Variants in SYT1 observed in about 807,000 individuals in gnomAD.
The protein encoded by SYT1 is synaptotagmin 1.
SYT1 carries 8 observed loss-of-function variants against 44.8 expected under a neutral mutation model. The observed-to-expected ratio is 0.18, with a 90% CI of 0.10 to 0.32. The LOEUF (loss-of-function observed/expected upper bound fraction) is 0.32, where lower values mean the gene tolerates loss of function less well. SYT1 is among the 10% of genes least tolerant of loss of function. The pLI is 1.00. For missense variants in SYT1, 286 were observed against 509.3 expected (o/e 0.56, Z 4.22); for synonymous variants, 154 against 188.8 (o/e 0.82, Z 1.51).
chr12:78,870,767 C>T lies in SYT1; in HGVS notation c.-217+5658C>T, dbSNP rs374036716. On this transcript the variant is annotated intron_variant, in intron 1 of 10. Coordinates refer to ENST00000261205, the MANE Select transcript of SYT1 (RefSeq NM_005639.3). ...AGGCTCATTTCCGCTGGGCCATCCT[C>T]CTTGCATGTCACTCCATGCCTACTG... Among the ~76,000 whole-genome samples the T allele has an allele frequency of 1.4e-4, 21 of 152,092 alleles. No individual in the cohort carries two copies. The East Asian group carries it at 3.9e-3, about 28-fold the overall frequency.
At chr12:78,959,264 G>A (rs1879379185) in intron 1 of SYT1, among the ~76,000 whole-genome samples, 1 of 152,130 alleles carries the variant, frequency 6.6e-6, no homozygotes, top group Admixed American at 6.6e-5. Context: ...GGGAAACTCG[G>A]GAGATGTTCC....
chr12:79,053,752 A>C (rs146616066), intron 3 of SYT1, among the ~76,000 whole-genome samples: 2 of 151,690 alleles, frequency 1.3e-5, no homozygotes, highest in Non-Finnish European at 2.9e-5. Flanking sequence ...TGTAAAAATA[A>C]GTTGTTTTTG....
intron 8 of SYT1, among the ~76,000 whole-genome samples, chr12:79,313,495 G>T (rs1219818223): frequency 6.6e-6 from 1 of 150,538 alleles, no homozygotes; most frequent in Non-Finnish European, 1.5e-5. Flanking sequence ...CATGTACCAA[G>T]TTTTTGGTCC....
At chr12:79,110,496 T>C (rs1332945841) in intron 3 of SYT1, among the ~76,000 whole-genome samples, 1 of 152,100 alleles carries the variant, frequency 6.6e-6, no homozygotes, top group African/African-American at 2.4e-5. Context: ...CACACGAAAA[T>C]CTAGAAAACA....
chr12:79,442,221 G>C (rs1170875494), intron 9 of SYT1, among the ~76,000 whole-genome samples: 1 of 152,164 alleles, frequency 6.6e-6, no homozygotes, highest in Non-Finnish European at 1.5e-5. Context: ...GACATGACTA[G>C]CTTTATAAAA....
chr12:79,116,125 A>G (rs1188864580), intron 3 of SYT1, among the ~76,000 whole-genome samples: 1 of 152,196 alleles, frequency 6.6e-6, no homozygotes, highest in Non-Finnish European at 1.5e-5. Context: ...GGGAATCATG[A>G]TGGTTGCCTC....
chr12:78,918,135 G>A (rs778955863), intron 1 of SYT1, among the ~76,000 whole-genome samples: 2 of 151,976 alleles, frequency 1.3e-5, no homozygotes, highest in African/African-American at 2.4e-5. Flanking sequence ...TTTTTCAGAC[G>A]CTATGCTTTA....
At position 79,052,972 on chromosome 12, in the gene SYT1, A is replaced by G. The variant is rs554503117; in HGVS notation, c.-18+5610A>G. 2.7e-4 allele frequency among the ~76,000 whole-genome samples: 41 copies of G among 152,306 alleles called. No homozygotes were observed. In the East Asian group the frequency reaches 6.2e-3, roughly 23 times the overall value. On this transcript the variant is annotated intron_variant, in intron 3 of 10. Transcript: ENST00000261205. ...GGTGATTCCTCAGGGATCTAGAACT[A>G]GAAATACCATTTGACCCAGCAACAC...
At chr12:79,153,642 A>AT (rs1177338022) in intron 3 of SYT1, among the ~76,000 whole-genome samples, 4 of 152,276 alleles carry the variant, frequency 2.6e-5, no homozygotes, top group Admixed American at 1.3e-4. Flanking sequence ...TATAATGGTT[A>AT]TTTTCAAATG....
chr12:78,918,220 A>G (rs11111884), intron 1 of SYT1, among the ~76,000 whole-genome samples: 62,319 of 151,966 alleles, frequency 0.41, 15,082 homozygotes, highest in Non-Finnish European at 0.54. Context: ...GAGCAAGGCT[A>G]TGCACCATAC....
At chr12:79,361,222 G>A (rs913364784) in intron 9 of SYT1, among the ~76,000 whole-genome samples, 3 of 152,160 alleles carry the variant, frequency 2.0e-5, no homozygotes, top group African/African-American at 7.2e-5. Flanking sequence ...ATGGCTAACT[G>A]ATTTAATCCC....
chr12:79,276,535 G>T (rs1264755936), intron 4 of SYT1, among the ~76,000 whole-genome samples: 1 of 151,776 alleles, frequency 6.6e-6, no homozygotes, highest in Non-Finnish European at 1.5e-5. Context: ...AATTAGCTGG[G>T]CATGGTGGCA....
At chr12:79,272,003 G>A (rs1039631946) in intron 4 of SYT1, among the ~76,000 whole-genome samples, 1 of 152,114 alleles carries the variant, frequency 6.6e-6, no homozygotes, top group Middle Eastern at 3.2e-3. Context: ...TCTACCAATG[G>A]GGAGCAGATT....
intron 3 of SYT1, among the ~76,000 whole-genome samples, chr12:79,158,333 G>A (rs1870727006): frequency 6.6e-6 from 1 of 152,064 alleles, no homozygotes; most frequent in South Asian, 2.1e-4. Context: ...GTTCACAATA[G>A]GGTTGGCCCT....
At chr12:79,389,187 AAG>A (rs375950911) in intron 9 of SYT1, among the ~76,000 whole-genome samples, 1 of 152,332 alleles carries the variant, frequency 6.6e-6, no homozygotes, top group African/African-American at 2.4e-5. Flanking sequence ...TCTCTGCATC[AAG>A]GAACATTTTT....
chr12:78,911,671 C>G (rs903496519), intron 1 of SYT1, among the ~76,000 whole-genome samples: 1 of 151,852 alleles, frequency 6.6e-6, no homozygotes, highest in East Asian at 1.9e-4. Context: ...TGTTTCAATG[C>G]AGTCATGGGA....
intron 3 of SYT1, among the ~76,000 whole-genome samples, chr12:79,096,625 A>T (rs1414055655): frequency 6.6e-6 from 1 of 151,972 alleles, no homozygotes; most frequent in African/African-American, 2.4e-5. Flanking sequence ...TTTTAGGTGA[A>T]ATAAGCAGTA....
chr12:79,409,335 C>T (rs1046566844), intron 9 of SYT1, among the ~76,000 whole-genome samples: 10 of 152,090 alleles, frequency 6.6e-5, no homozygotes, highest in Non-Finnish European at 1.5e-4. Context: ...AACTGCCACA[C>T]ACTCACAGAC....
intron 3 of SYT1, among the ~76,000 whole-genome samples, chr12:79,167,762 C>T (rs1871299570): frequency 6.6e-6 from 1 of 151,834 alleles, no homozygotes; most frequent in Non-Finnish European, 1.5e-5. Flanking sequence ...TACAGCGGTC[C>T]CCAACATTTT....
Sources: allele counts gnomAD v4.1 joint callset (sites outside exome capture counted in the v4.1 genomes callset), GRCh38; gene constraint gnomAD v4.1.1; transcripts MANE v1.5; gene names NCBI Gene and HGNC (gene_info 2026-07-23, HGNC 2026-07-21).